AUH: variants seen among roughly 807,000 people sequenced by gnomAD.
AUH encodes methylglutaconyl-CoA hydratase, mitochondrial.
AUH carries 29 observed loss-of-function variants against 42.3 expected under a neutral mutation model. That is an observed-to-expected ratio of 0.69 (90% CI 0.51 to 0.93). The LOEUF is 0.93. Among genes scored for constraint, AUH ranks in the 40% least tolerant of loss-of-function variants. AUH has a pLI of 0.00. For synonymous variants in AUH, 174 were observed against 166.4 expected (o/e 1.05, Z -0.35); for missense variants, 452 against 438.1 (o/e 1.03, Z -0.28).
chr9:91,259,519 TTTAA>T (rs1829594081), intron 6 of AUH, among the ~76,000 whole-genome samples: 1 of 152,146 alleles, frequency 6.6e-6, no homozygotes, highest in Admixed American at 6.5e-5. Flanking sequence ...AGTTTCCTCT[TTTAA>T]GGTAAAAGTT....
intron 6 of AUH, among the ~76,000 whole-genome samples, chr9:91,283,608 G>C (rs1198698672): frequency 6.6e-6 from 1 of 152,184 alleles, no homozygotes; most frequent in Non-Finnish European, 1.5e-5. Context: ...AGCAACTTCA[G>C]CAAAGTCTCA....
chr9:91,230,456 T>C (rs1827801932), intron 6 of AUH, among the ~76,000 whole-genome samples: 1 of 151,546 alleles, frequency 6.6e-6, no homozygotes. Flanking sequence ...TACATTCTTC[T>C]AAATTTTTTT....
At chr9:91,300,310 C>T (rs1827683432) in intron 4 of AUH, among the ~76,000 whole-genome samples, 1 of 152,202 alleles carries the variant, frequency 6.6e-6, no homozygotes, top group Admixed American at 6.5e-5. Flanking sequence ...CAAACAGCCC[C>T]CTGCCTGTTG....
intron 6 of AUH, among the ~76,000 whole-genome samples, chr9:91,222,060 C>T (rs1272467984): frequency 1.3e-5 from 2 of 152,224 alleles, no homozygotes; most frequent in African/African-American, 4.8e-5. Context: ...CCACCATCTA[C>T]ACAAGTTCAC....
intron 4 of AUH, among the ~76,000 whole-genome samples, chr9:91,318,678 T>A (rs1019190219): frequency 6.6e-6 from 1 of 152,238 alleles, no homozygotes; most frequent in Non-Finnish European, 1.5e-5. Context: ...TTTGGCATGG[T>A]TGGGCCCAAG....
At chr9:91,272,477 C>CTCCT (rs1438000937) in intron 6 of AUH, among the ~76,000 whole-genome samples, 2 of 152,186 alleles carry the variant, frequency 1.3e-5, no homozygotes, top group Non-Finnish European at 2.9e-5. Context: ...GTTTGCCTTG[C>CTCCT]TCCTCCCTGG....
At chr9:91,235,296 G>GCT (rs935200097) in intron 6 of AUH, among the ~76,000 whole-genome samples, 1 of 152,152 alleles carries the variant, frequency 6.6e-6, no homozygotes, top group Non-Finnish European at 1.5e-5. Context: ...GACAGCGCAA[G>GCT]GTAGGGAGAG....
At chr9:91,233,983 A>C (rs1369373275) in intron 6 of AUH, among the ~76,000 whole-genome samples, 1 of 152,230 alleles carries the variant, frequency 6.6e-6, no homozygotes, top group Non-Finnish European at 1.5e-5. Flanking sequence ...TGAACTAAGA[A>C]GACGGGGGTA....
At chr9:91,220,665 T>C (rs1337145985) in intron 7 of AUH, 140 bp downstream of exon 7, 2 of 794,530 alleles carry the variant, frequency 2.5e-6, no homozygotes, top group African/African-American at 3.5e-5. Context: ...GTAACTGCTC[T>C]AGTTTTACAG....
chr9:91,237,619 C>T (rs1828265314), intron 6 of AUH, among the ~76,000 whole-genome samples: 1 of 152,120 alleles, frequency 6.6e-6, no homozygotes, highest in African/African-American at 2.4e-5. Context: ...AGATTTTAGC[C>T]TATTTGATGT....
intron 6 of AUH, among the ~76,000 whole-genome samples, chr9:91,283,983 A>T (rs1826191717): frequency 6.6e-6 from 1 of 152,102 alleles, no homozygotes; most frequent in Non-Finnish European, 1.5e-5. Context: ...TATGGAAAAA[A>T]AAAAAGGGCC....
chr9:91,258,206 A>C (rs1829511549), intron 6 of AUH, among the ~76,000 whole-genome samples: 1 of 152,078 alleles, frequency 6.6e-6, no homozygotes, highest in Non-Finnish European at 1.5e-5. Context: ...ACAGTGTTTA[A>C]ATTCTTCTTT....
rs2131305511 is a variant in AUH at position 91,234,156 on chromosome 9, C to T, written c.656-13164G>A. Among the ~76,000 whole-genome samples the T allele has an allele frequency of 1.3e-5, 2 of 152,274 alleles. 1 individual carries two copies. Among genetic ancestry groups the T allele is most frequent in the Middle Eastern group, 6.8e-3 (2 of 294 alleles). ...GCTTTTGGAGACCCCTTTGGCCACC[C>T]CTCTCTCCACTGTATCAGCCTTGGA... On this transcript the variant is annotated intron_variant, in intron 6 of 9. Coordinates refer to ENST00000375731, the MANE Select transcript of AUH (RefSeq NM_001698.3).
At chr9:91,230,999 G>C (rs1411914129) in intron 6 of AUH, among the ~76,000 whole-genome samples, 2 of 152,222 alleles carry the variant, frequency 1.3e-5, no homozygotes, top group African/African-American at 4.8e-5. Flanking sequence ...GGTTACTGCT[G>C]TCTTTTTGTC....
intron 4 of AUH, among the ~76,000 whole-genome samples, chr9:91,312,533 G>C (rs1828779697): frequency 1.3e-5 from 2 of 152,192 alleles, no homozygotes; most frequent in South Asian, 4.1e-4. Flanking sequence ...TTCAAGACCA[G>C]CCTGGCCAAC....
chr9:91,259,722 A>G (rs968725411), intron 6 of AUH, among the ~76,000 whole-genome samples: 1 of 152,090 alleles, frequency 6.6e-6, no homozygotes, highest in Non-Finnish European at 1.5e-5. Flanking sequence ...TTATTTTCCA[A>G]TTATCTGGAG....
In AUH at chr9:91,242,069, G is replaced by A. The variant is rs115165198; in HGVS notation, c.656-21077C>T. On this transcript the variant is annotated intron_variant, in intron 6 of 9. Transcript: ENST00000375731. ...CCTGCTTCCAGGCTCCCTTCCCCAC[G>A]GCTGGCAGGCCTTCTCGGTCCTGCA... 3.0e-3 allele frequency among the ~76,000 whole-genome samples: 457 copies of A among 152,298 alleles called. 5 individuals carry two copies. The highest frequency in any genetic ancestry group is 0.01 in the African/African-American group (436 of 41,558).
chr9:91,234,159 C>T (rs992766288), intron 6 of AUH, among the ~76,000 whole-genome samples: 10 of 152,184 alleles, frequency 6.6e-5, no homozygotes, highest in Non-Finnish European at 4.4e-5. Flanking sequence ...GGCCACCCCT[C>T]TCTCCACTGT....
chr9:91,276,964 C>T (rs968500066), intron 6 of AUH, among the ~76,000 whole-genome samples: 2 of 152,126 alleles, frequency 1.3e-5, no homozygotes, highest in African/African-American at 4.8e-5. Context: ...GTGGGAAAAT[C>T]GTTTGAGCCC....
Sources: allele counts gnomAD v4.1 joint callset (sites outside exome capture counted in the v4.1 genomes callset), GRCh38; gene constraint gnomAD v4.1.1; transcripts MANE v1.5; gene names NCBI Gene and HGNC (gene_info 2026-07-23, HGNC 2026-07-21).